PCDHA7: variants seen among roughly 807,000 people sequenced by gnomAD.
PCDHA7 encodes the protein protocadherin alpha-7.
In PCDHA7, 37 loss-of-function variants were observed where a neutral mutation model predicts 57.2. The ratio of observed to expected loss-of-function variants is 0.65; its 90% confidence interval spans 0.50 to 0.85. The LOEUF is 0.85. Ranked by LOEUF, PCDHA7 falls within the 40% of genes least tolerant of loss-of-function variation. PCDHA7 has a pLI of 0.00. For missense variants in PCDHA7, 1,188 were observed against 1,241.8 expected, an observed-to-expected ratio of 0.96 and a Z score of 0.65; for synonymous variants, 553 against 558.8, an observed-to-expected ratio of 0.99 and a Z score of 0.15.
At chr5:140,843,816 A>T in intron 1 of PCDHA7, 1 of 1,230,332 alleles carries the variant, frequency 8.1e-7, no homozygotes, top group Non-Finnish European at 1.1e-6. Context: ...TTTATAGTGA[A>T]AATTTAAACA....
intron 1 of PCDHA7, among the ~76,000 whole-genome samples, chr5:140,961,917 T>G (rs2095643057): frequency 6.6e-6 from 1 of 151,470 alleles, no homozygotes; most frequent in Non-Finnish European, 1.5e-5. Flanking sequence ...GGAGTCTCGC[T>G]CTGTTGCCCA....
At chr5:140,857,947 G>T (rs782434773) in intron 1 of PCDHA7, 1 of 1,597,414 alleles carries the variant, frequency 6.3e-7, no homozygotes, top group East Asian at 2.2e-5. Flanking sequence ...TCAGTACGAC[G>T]CGCGCTCTGG....
intron 1 of PCDHA7, chr5:140,854,657 T>C (rs1554147373): frequency 6.7e-6 from 1 of 149,998 alleles, no homozygotes; most frequent in Non-Finnish European, 1.5e-5. Context: ...ATAAAATAAA[T>C]TAACCCTTGC....
At chr5:140,848,357 T>G in intron 1 of PCDHA7, 2 of 1,035,378 alleles carry the variant, frequency 1.9e-6, no homozygotes, top group Non-Finnish European at 2.9e-6. Flanking sequence ...CCTTTTCCCA[T>G]GGGAAAGAGG....
rs571391051 is a variant in PCDHA7 at position 140,964,645 on chromosome 5, A to G, written c.2356-14304A>G. Among the ~76,000 whole-genome samples the G allele has an allele frequency of 4.6e-5, 7 of 152,152 alleles. No individual in the cohort carries two copies. The East Asian group carries it at 7.7e-4, about 17-fold the overall frequency. ...TATAAGCCATTTATTTTCAGAAACA[A>G]GTAATGGGTGAGGACACAGGCCAGG... is the stretch of plus-strand genomic sequence containing the variant. On this transcript the variant is annotated intron_variant, in intron 1 of 3. Coordinates refer to ENST00000525929, the MANE Select transcript of PCDHA7 (RefSeq NM_018910.3).
intron 3 of PCDHA7, among the ~76,000 whole-genome samples, chr5:140,983,788 C>T (rs1319880543): frequency 6.6e-6 from 1 of 152,144 alleles, no homozygotes; most frequent in Non-Finnish European, 1.5e-5. Context: ...TAACAGATGA[C>T]AGAATGTGTG....
intron 1 of PCDHA7, among the ~76,000 whole-genome samples, chr5:140,952,297 C>G (rs2094716383): frequency 6.7e-6 from 1 of 149,532 alleles, no homozygotes; most frequent in South Asian, 2.1e-4. Context: ...TTCTCACAGC[C>G]ATTTCACTCC....
intron 1 of PCDHA7, among the ~76,000 whole-genome samples, chr5:140,919,626 T>C (rs1554199177): frequency 6.6e-6 from 1 of 152,244 alleles, no homozygotes. Flanking sequence ...TTTTGAGTTA[T>C]TTTCACAGTA....
intron 1 of PCDHA7, among the ~76,000 whole-genome samples, chr5:140,891,207 GCTGTGTCTTTATAATCATC>G (rs2062985050): frequency 6.6e-6 from 1 of 152,054 alleles, no homozygotes; most frequent in Non-Finnish European, 1.5e-5. Context: ...GTTTTACCAT[GCTGTGTCTTTATAATCATC>G]CTGTTCTGGA....
At chr5:140,964,015 A>G (rs1466689123) in intron 1 of PCDHA7, among the ~76,000 whole-genome samples, 1 of 152,178 alleles carries the variant, frequency 6.6e-6, no homozygotes. Context: ...TTTAATAGAG[A>G]GCTCTTGAAG....
intron 1 of PCDHA7, among the ~76,000 whole-genome samples, chr5:140,977,932 C>T (rs2096781582): frequency 6.6e-6 from 1 of 151,944 alleles, no homozygotes; most frequent in Non-Finnish European, 1.5e-5. Flanking sequence ...TCAACTATAC[C>T]TCAATATTCA....
intron 1 of PCDHA7, among the ~76,000 whole-genome samples, chr5:140,905,031 T>G (rs2071545933): frequency 6.6e-6 from 1 of 152,228 alleles, no homozygotes. Flanking sequence ...GCAGAAGCTT[T>G]TTAGTTTAAT....
chr5:140,839,258 G>A (rs1776122632), intron 1 of PCDHA7, among the ~76,000 whole-genome samples: 1 of 151,954 alleles, frequency 6.6e-6, no homozygotes, highest in Non-Finnish European at 1.5e-5. Flanking sequence ...ATGCTTACAT[G>A]CATGTATATT....
chr5:140,879,675 G>A (rs141369145), intron 1 of PCDHA7, among the ~76,000 whole-genome samples: 1 of 152,360 alleles, frequency 6.6e-6, no homozygotes, highest in South Asian at 2.1e-4. Context: ...CAAACTGGGT[G>A]CTGTAAAACA....
chr5:140,902,894 A>G (rs1370660183), intron 1 of PCDHA7, among the ~76,000 whole-genome samples: 1 of 152,170 alleles, frequency 6.6e-6, no homozygotes, highest in Non-Finnish European at 1.5e-5. Flanking sequence ...CTATTATTTT[A>G]TTTAGTTTAT....
At position 140,836,355 on chromosome 5, in the gene PCDHA7, T is replaced by G. The variant is rs2150258561; in HGVS notation, c.1972T>G (p.Ser658Ala). The change falls in exon 1 of 4, where the codon TCG becomes GCG. Residue 658 changes from serine to alanine, a missense_variant. Ser to Ala is a moderately conservative substitution (Grantham distance 99). Transcript: ENST00000525929. ...GCTTGTGAAGGACCACGGGGAGCCC[T>G]CGCTGACAGCCACAGCCACCGTGCT... Reference protein sequence around the residue: ...LVLVKDHGEPSLTATATVLVS... With the variant: ...LVLVKDHGEPALTATATVLVS... 2 of 1,613,660 alleles carry G rather than the reference T, an allele frequency of 1.2e-6. No homozygotes were observed. The highest frequency in any genetic ancestry group is 3.3e-5 in the Admixed American group (2 of 60,020).
intron 1 of PCDHA7, among the ~76,000 whole-genome samples, chr5:140,932,861 G>A (rs1554209099): frequency 6.6e-6 from 1 of 151,858 alleles, no homozygotes; most frequent in Non-Finnish European, 1.5e-5. Flanking sequence ...ATGACTTATT[G>A]TCTTTTGTTG....
At chr5:140,863,105 A>C (rs1554157760) in intron 1 of PCDHA7, 1 of 581,650 alleles carries the variant, frequency 1.7e-6, no homozygotes, top group Non-Finnish European at 3.4e-6. Flanking sequence ...AGTACCCTGG[A>C]CGAGGCGAAA....
rs1554135105 is a variant in PCDHA7, at chr5:140,835,608, C to A, written c.1225C>A (p.Leu409Met). The A allele has an allele frequency of 1.9e-6, 3 of 1,613,898 alleles. No homozygotes were observed. The highest frequency in any genetic ancestry group is 2.2e-5 in the South Asian group (2 of 91,066). The change falls in exon 1 of 4, where the codon CTG becomes ATG. Residue 409 changes from leucine to methionine, a missense_variant. By Grantham distance (15) the Leu-to-Met change is conservative. This residue lies in a region of PCDHA7 where 892 missense variants were observed against 788.5 expected (regional missense o/e 1.13). Coordinates refer to ENST00000525929, the MANE Select transcript of PCDHA7 (RefSeq NM_018910.3). ...STFKNYYSLV[L>M]DSALDRESVS... is the part of the protein sequence containing the mutation. ...CTTCAAGAATTACTATTCATTGGTG[C>A]TGGACAGCGCTCTGGACCGCGAGAG...
Sources: allele counts gnomAD v4.1 joint callset (sites outside exome capture counted in the v4.1 genomes callset), GRCh38; gene constraint gnomAD v4.1.1; regional missense constraint gnomAD v4.1.1; transcripts MANE v1.5; gene names NCBI Gene and HGNC (gene_info 2026-07-23, HGNC 2026-07-21).